Variants in RERE observed in about 807,000 individuals in gnomAD.
The protein encoded by RERE is arginine-glutamic acid dipeptide repeats.
In RERE, 40 loss-of-function variants were observed where a neutral mutation model predicts 146.1. The ratio of observed to expected loss-of-function variants is 0.27; its 90% CI spans 0.21 to 0.36. The LOEUF is 0.36. Among genes scored for constraint, RERE ranks in the 10% least tolerant of loss-of-function variants. The pLI is 1.00. For synonymous variants in RERE, 1,003 were observed against 866.0 expected, an observed-to-expected ratio of 1.16 and a Z score of -2.78; for missense variants, 1,933 against 2,138.7, an observed-to-expected ratio of 0.90 and a Z score of 1.90.
chr1:8,623,312 G>A (rs762496976), intron 3 of RERE, among the ~76,000 whole-genome samples: 18 of 152,100 alleles, frequency 1.2e-4, no homozygotes, highest in Non-Finnish European at 2.6e-4. Flanking sequence ...TCAGCCGGTT[G>A]TACTGGCACG....
At chr1:8,461,795 G>C (rs563351184) in intron 11 of RERE, among the ~76,000 whole-genome samples, 1 of 152,270 alleles carries the variant, frequency 6.6e-6, no homozygotes, top group African/African-American at 2.4e-5. Context: ...GGAGTAGGAA[G>C]AACAAGAAGA....
At chr1:8,469,693 C>T (rs747570055) in intron 10 of RERE, among the ~76,000 whole-genome samples, 1 of 152,190 alleles carries the variant, frequency 6.6e-6, no homozygotes, top group Non-Finnish European at 1.5e-5. Context: ...CTCGTGAGAA[C>T]ATAAAGCCCA....
At chr1:8,533,949 T>C (rs1432771740) in intron 7 of RERE, among the ~76,000 whole-genome samples, 1 of 152,232 alleles carries the variant, frequency 6.6e-6, no homozygotes, top group Non-Finnish European at 1.5e-5. Flanking sequence ...TAGGCTTTGT[T>C]TTCCAAAAAT....
intron 7 of RERE, among the ~76,000 whole-genome samples, chr1:8,538,749 T>C (rs749242829): frequency 6.6e-6 from 1 of 152,138 alleles, no homozygotes; most frequent in Non-Finnish European, 1.5e-5. Flanking sequence ...AAGGTGGACA[T>C]AGGGAACACA....
intron 8 of RERE, among the ~76,000 whole-genome samples, chr1:8,501,027 CGGGAGGGG>C (rs1168825729): frequency 2.6e-5 from 1 of 38,298 alleles, no homozygotes; most frequent in Non-Finnish European, 6.1e-5. Context: ...CCACCCCGTC[CGGGAGGGG>C]GGGGGGGGGT....
intron 6 of RERE, among the ~76,000 whole-genome samples, chr1:8,552,994 T>G (rs1645955754): frequency 6.9e-6 from 1 of 145,646 alleles, no homozygotes; most frequent in African/African-American, 2.6e-5. Flanking sequence ...GTAGGCCAGC[T>G]CGTCCACACA....
intron 11 of RERE, among the ~76,000 whole-genome samples, chr1:8,430,781 G>GT (rs1259738711): frequency 6.6e-6 from 1 of 152,202 alleles, no homozygotes; most frequent in Non-Finnish European, 1.5e-5. Flanking sequence ...ACTCTCCAAG[G>GT]TAAGTGTAAC....
At chr1:8,566,501 T>C (rs1646154463) in intron 4 of RERE, among the ~76,000 whole-genome samples, 1 of 151,948 alleles carries the variant, frequency 6.6e-6, no homozygotes, top group Admixed American at 6.6e-5. Context: ...CCGCCTGTAA[T>C]CCCAGCTACT....
At chr1:8,775,123 G>T (rs180914351) in intron 1 of RERE, among the ~76,000 whole-genome samples, 2 of 151,812 alleles carry the variant, frequency 1.3e-5, no homozygotes, top group Non-Finnish European at 2.9e-5. Context: ...ACCACGCCCG[G>T]CTAATTTTTG....
chr1:8,531,007 TTCTATCTATCTATCTA>T (rs199738689), intron 7 of RERE, among the ~76,000 whole-genome samples: 1,789 of 140,336 alleles, frequency 0.013, 20 homozygotes, highest in East Asian at 0.025. Context: ...GAACTGAGTT[TTCTATCTATCTATCTA>T]TCTATCTATC....
intron 9 of RERE, 134 bp from the exon 10 acceptor site, chr1:8,495,296 C>G: frequency 1.7e-6 from 1 of 585,738 alleles, no homozygotes; most frequent in Non-Finnish European, 3.0e-6. Flanking sequence ...CAGTTCCCAG[C>G]TCTGCCTCTG....
chr1:8,548,639 C>A (rs1264694600), intron 6 of RERE, among the ~76,000 whole-genome samples: 1 of 152,296 alleles, frequency 6.6e-6, no homozygotes, highest in East Asian at 1.9e-4. Flanking sequence ...ACAATGAGAA[C>A]TGAGTTTCTT....
chr1:8,361,443 T>A lies in RERE; in HGVS notation c.2064A>T (p.Ser688=). The A allele has an allele frequency of 6.2e-7, 1 of 1,613,630 alleles. No homozygotes were observed. Among genetic ancestry groups the A allele is most frequent in the Non-Finnish European group, 8.5e-7 (1 of 1,179,956 alleles). ...NSPSEGEGES[S]DSRSVNDEGS... ...CCTCATCGTTGACGCTGCGACTGTC[T>A]GAACTCTCTCCCTCACCTTCAGATG... The change falls in exon 18 of 23, where the codon TCA becomes TCT. Residue 688 remains serine, a synonymous_variant. Coordinates refer to ENST00000400908, the MANE Select transcript of RERE (RefSeq NM_001042681.2).
At chr1:8,475,244 C>T (rs12238996) in intron 10 of RERE, among the ~76,000 whole-genome samples, 1,815 of 150,136 alleles carry the variant, frequency 0.012, 33 homozygotes, top group African/African-American at 0.042. Context: ...TGTGGTGGCG[C>T]GCACCTGTAA....
At chr1:8,488,717 G>T (rs74052825) in intron 10 of RERE, among the ~76,000 whole-genome samples, 4,291 of 152,098 alleles carry the variant, frequency 0.028, 174 homozygotes, top group African/African-American at 0.097. Flanking sequence ...CCCTAATAAC[G>T]ATCAATGAGA....
chr1:8,378,353 A>G (rs1316210220), intron 12 of RERE, among the ~76,000 whole-genome samples: 1 of 152,258 alleles, frequency 6.6e-6, no homozygotes, highest in African/African-American at 2.4e-5. Flanking sequence ...AAGAAGCTCC[A>G]GGAAGGAAGG....
intron 12 of RERE, among the ~76,000 whole-genome samples, chr1:8,376,204 T>C (rs1337043716): frequency 1.3e-5 from 2 of 152,216 alleles, no homozygotes; most frequent in Non-Finnish European, 2.9e-5. Flanking sequence ...TGGGCTATCT[T>C]TGATCTCTGG....
At chr1:8,712,415 C>T (rs1287527721) in intron 1 of RERE, among the ~76,000 whole-genome samples, 2 of 152,192 alleles carry the variant, frequency 1.3e-5, no homozygotes, top group African/African-American at 2.4e-5. Flanking sequence ...CACTGATCAT[C>T]CCCTCCAATC....
rs1553185604 is a variant in RERE at position 8,564,848 on chromosome 1, G to GTGTT, written c.523-7326_523-7325insAACA. ...TATATGTGTATGTGTGTGTGTGTGT[G>GTGTT]TGTGTGTGTGTGTGTGTGTGTGTAT... On this transcript the variant is annotated intron_variant, in intron 4 of 22. Transcript: ENST00000400908. Among the ~76,000 whole-genome samples the GTGTT allele has an allele frequency of 1.3e-4, 19 of 141,234 alleles. No individual in the cohort carries two copies. In the East Asian group the frequency reaches 3.8e-3, roughly 28 times the overall value. 92.7% of individuals were successfully genotyped at this position (141,234 alleles called of 152,430 possible). A position where few individuals can be genotyped will look rare whatever the true frequency, so the allele number is the denominator to read the frequency against.
Sources: gnomAD v4.1 joint callset for allele counts (sites outside exome capture counted in the v4.1 genomes callset) on GRCh38, gnomAD v4.1.1 for gene constraint, MANE v1.5 for transcripts, NCBI Gene and HGNC (gene_info 2026-07-23, HGNC 2026-07-21) for gene names.